The following ZNF677 variants were observed in gnomAD, a reference collection of about 807,000 sequenced individuals.
ZNF677 encodes the protein zinc finger protein 677.
A neutral mutation model predicts 8.1 loss-of-function variants in ZNF677; 5 were observed. The observed-to-expected ratio is 0.62, with a 90% CI of 0.32 to 1.29. The LOEUF is 1.29. Among genes scored for constraint, ZNF677 ranks in the 50% most tolerant of loss-of-function variants. The pLI is 0.05. For synonymous variants in ZNF677, 221 were observed against 225.6 expected (o/e 0.98, Z 0.18); for missense variants, 685 against 685.9 (o/e 1.00, Z 0.01).
rs2091172734 is a variant in ZNF677, at chr19:53,247,939, T to G, written c.15+3597A>C. On this transcript the variant is annotated intron_variant, in intron 3 of 4. Transcript: ENST00000598513. ...AAAATTATTCCTCCAATAAGTGCCTTTTAAAGGAGAATTTAATCCACTTAT... is the reference window on the plus strand; with the variant it reads ...AAAATTATTCCTCCAATAAGTGCCTGTTAAAGGAGAATTTAATCCACTTAT... Among the ~76,000 whole-genome samples the G allele has an allele frequency of 2.0e-5, 3 of 152,336 alleles. No individual in the cohort carries two copies. In the South Asian group the frequency reaches 6.2e-4, roughly 32 times the overall value.
chr19:53,248,640 T>C (rs1490416208), intron 3 of ZNF677, among the ~76,000 whole-genome samples: 1 of 152,222 alleles, frequency 6.6e-6, no homozygotes, highest in Non-Finnish European at 1.5e-5. Flanking sequence ...TCCACTAATG[T>C]CTAGCCTCCA....
chr19:53,251,282 C>G (rs538557388), intron 3 of ZNF677, among the ~76,000 whole-genome samples: 1 of 152,288 alleles, frequency 6.6e-6, no homozygotes, highest in African/African-American at 2.4e-5. Flanking sequence ...ATGGAGCCTG[C>G]CCCCCATACC....
At position 53,237,226 on chromosome 19, in the gene ZNF677, T is replaced by C. The variant is rs1308082424; in HGVS notation, c.1501A>G (p.Asn501Asp). The change falls in exon 5 of 5, where the codon AAT (asparagine) becomes GAT (aspartate). Residue 501 changes from asparagine to aspartate, a missense_variant. Coordinates refer to ENST00000598513, the MANE Select transcript of ZNF677 (RefSeq NM_182609.4). ...TGGATTTTCTTATGCTGAGTAAGAT[T>C]TGAACGTTCAGTAAAGGCTTTGCCA... ...ECGKAFTERS[N>D]LTQHKKIHTG... The C allele has an allele frequency of 6.2e-7, 1 of 1,612,792 alleles. No homozygotes were observed. The highest frequency in any genetic ancestry group is 2.2e-5 in the East Asian group (1 of 44,864).
intron 4 of ZNF677, chr19:53,242,284 A>G (rs557220220): frequency 2.5e-6 from 1 of 398,610 alleles, no homozygotes; most frequent in Admixed American, 4.4e-5. Flanking sequence ...AAGAATATGG[A>G]ATCAGGAAGA....
chr19:53,239,469 T>C (rs1020597143), intron 4 of ZNF677: 7 of 152,196 alleles, frequency 4.6e-5, no homozygotes, highest in Non-Finnish European at 8.8e-5. Context: ...TGCAGTTATA[T>C]GACAGCAGTA....
intron 4 of ZNF677, chr19:53,238,784 C>A: frequency 2.7e-6 from 1 of 365,132 alleles, no homozygotes; most frequent in Non-Finnish European, 4.9e-6. Flanking sequence ...TTAAAACACC[C>A]TATAGCTAAA....
intron 1 of ZNF677, 23 bp from the exon 2 acceptor site, chr19:53,253,179 G>A (rs912707452): frequency 1.3e-5 from 2 of 152,202 alleles, no homozygotes; most frequent in East Asian, 1.9e-4. Flanking sequence ...AGGAAGAGAA[G>A]AGGTTCATTT....
At position 53,237,832 on chromosome 19, in the gene ZNF677, C is replaced by G. The variant is rs1317170367; in HGVS notation, c.895G>C (p.Ala299Pro). Residue 299 changes from alanine (A) to proline (P), a missense_variant, in exon 5 of 5, where the codon GCC becomes CCC. Physicochemically the swap from Ala to Pro is conservative, Grantham distance 27 (BLOSUM62 -1). Transcript: ENST00000598513. The part of the protein sequence containing the change: ...RPYKCNECGK[A>P]FNQCSNLTRH... ...GTGAGGTTCGAACACTGGTTAAAGGCTTTGCCACACTCGTTACATTTGTAA... is the reference window on the plus strand; with the variant it reads ...GTGAGGTTCGAACACTGGTTAAAGGGTTTGCCACACTCGTTACATTTGTAA... 6.2e-7 allele frequency: 1 copy of G among 1,613,120 alleles called. No individual in the cohort carries two copies. Among genetic ancestry groups the G allele is most frequent in the African/African-American group, 1.3e-5 (1 of 74,884 alleles).
intron 4 of ZNF677, chr19:53,241,650 AC>A: frequency 5.2e-6 from 2 of 386,884 alleles, no homozygotes; most frequent in Non-Finnish European, 9.1e-6. Context: ...TGGAAACTCC[AC>A]AGAAACCAGA....
chr19:53,241,827 C>T (rs2091053666), intron 4 of ZNF677: 1 of 398,640 alleles, frequency 2.5e-6, no homozygotes, highest in East Asian at 3.6e-5. Context: ...ACCAAGGAAA[C>T]CTCTTCCATG....
chr19:53,242,345 G>C (rs897897679), intron 4 of ZNF677: 1 of 398,644 alleles, frequency 2.5e-6, no homozygotes, highest in Admixed American at 4.4e-5. Context: ...AAAAGGGAGA[G>C]AAATAAAAGG....
chr19:53,250,753 G>C (rs1372414480), intron 3 of ZNF677, among the ~76,000 whole-genome samples: 1 of 152,052 alleles, frequency 6.6e-6, no homozygotes, highest in Non-Finnish European at 1.5e-5. Context: ...GAAATAATCT[G>C]TCCAACAAAC....
chr19:53,239,185 A>T (rs1291804706), intron 4 of ZNF677: 1 of 152,194 alleles, frequency 6.6e-6, no homozygotes, highest in Non-Finnish European at 1.5e-5. Flanking sequence ...TATACTGAAA[A>T]ACCATCATCT....
intron 4 of ZNF677, 107 bp downstream of exon 4, chr19:53,243,637 A>G (rs2091089837): frequency 6.7e-7 from 1 of 1,483,288 alleles, no homozygotes; most frequent in East Asian, 2.3e-5. Flanking sequence ...TCTCAATCAA[A>G]AAGTTTCAAT....
rs2090976592 is a variant in ZNF677 at position 53,236,919 on chromosome 19, C to A, written c.*53G>T. ...GTGAGACATAAGCCATAGCTAAAGGCTTTACCACATTTTCGTTTTATATGG... is the reference window on the plus strand; with the variant it reads ...GTGAGACATAAGCCATAGCTAAAGGATTTACCACATTTTCGTTTTATATGG... On this transcript the variant is annotated 3_prime_UTR_variant, in exon 5 of 5. Transcript: ENST00000598513. 2 of 1,487,376 alleles carry A rather than the reference C, an allele frequency of 1.3e-6. No individual in the cohort carries two copies. Among genetic ancestry groups the A allele is most frequent in the African/African-American group, 1.4e-5 (1 of 71,174 alleles). 92.1% of individuals were successfully genotyped at this position (1,487,376 alleles called of 1,614,324 possible). A position where few individuals can be genotyped will look rare whatever the true frequency, so the allele number is the denominator to read the frequency against.
At chr19:53,251,802 A>C (rs1451466874) in intron 2 of ZNF677, among the ~76,000 whole-genome samples, 197 bp from the exon 3 acceptor site, 1 of 152,204 alleles carries the variant, frequency 6.6e-6, no homozygotes, top group African/African-American at 2.4e-5. Flanking sequence ...GTCTTCAAAA[A>C]GTTCTCCCTT....
chr19:53,243,713 GA>G (rs747075116), intron 4 of ZNF677, 30 bp downstream of exon 4: 1 of 1,613,744 alleles, frequency 6.2e-7, no homozygotes, highest in South Asian at 1.1e-5. Flanking sequence ...GACTCACAAG[GA>G]AAAATGTAAA....
At position 53,237,682 on chromosome 19, in the gene ZNF677, AT is replaced by A; in HGVS notation, c.1044del (p.Lys348AsnfsTer265). 1 of 1,613,120 alleles carries A rather than the reference AT, an allele frequency of 6.2e-7. No homozygotes were observed. Among genetic ancestry groups the A allele is most frequent in the Non-Finnish European group, 8.5e-7 (1 of 1,179,578 alleles). ...ATAAATGCCTTACCACATTCATTAC[AT>A]TTGTAAGGTTTCTCTCCAGTATGCA... ...QRMHTGEKPY[K>X]CNECGKAFIQ... On this transcript the variant is annotated frameshift_variant, in exon 5 of 5. Coordinates refer to ENST00000598513, the MANE Select transcript of ZNF677 (RefSeq NM_182609.4). LOFTEE classifies it low-confidence loss of function (END_TRUNC).
At chr19:53,243,970 G>A (rs2091096977) in intron 3 of ZNF677, 73 bp from the exon 4 acceptor site, 3 of 1,412,874 alleles carry the variant, frequency 2.1e-6, no homozygotes, top group Non-Finnish European at 2.9e-6. Flanking sequence ...GCAGAAAAGA[G>A]GTGTACATAT....
Sources: gnomAD v4.1 joint callset for allele counts (sites outside exome capture counted in the v4.1 genomes callset) on GRCh38, gnomAD v4.1.1 for gene constraint, MANE v1.5 for transcripts, NCBI Gene and HGNC (gene_info 2026-07-23, HGNC 2026-07-21) for gene names.